Variants in L3MBTL4 observed in about 807,000 individuals in gnomAD.
The protein encoded by L3MBTL4 is L3MBTL histone methyl-lysine binding protein 4, also known as lethal(3)malignant brain tumor-like protein 4.
L3MBTL4 carries 70 observed loss-of-function variants against 84.5 expected under a neutral mutation model. The observed-to-expected ratio is 0.83, with a 90% CI of 0.68 to 1.01. L3MBTL4 has a LOEUF of 1.01. Ranked by LOEUF, L3MBTL4 falls within the 50% of genes least tolerant of loss-of-function variation. The probability of loss-of-function intolerance (pLI) is 0.00; values close to 1 mark genes in which losing one functional copy is unlikely to be tolerated. For synonymous variants in L3MBTL4, 274 were observed against 259.8 expected (o/e 1.05, Z -0.52); for missense variants, 715 against 754.8 (o/e 0.95, Z 0.62).
intron 14 of L3MBTL4, among the ~76,000 whole-genome samples, chr18:6,118,211 A>G (rs2059418142): frequency 6.6e-6 from 1 of 150,764 alleles, no homozygotes; most frequent in Non-Finnish European, 1.5e-5. Flanking sequence ...ACACACAAAC[A>G]CACACACACA....
intron 4 of L3MBTL4, among the ~76,000 whole-genome samples, chr18:6,267,879 G>A (rs1237316055): frequency 6.6e-6 from 1 of 152,196 alleles, no homozygotes. Flanking sequence ...GGAATACCAA[G>A]TTTGCTTGCA....
rs80211305 is a variant in L3MBTL4, at chr18:6,391,498, G to T, written c.-91+23303C>A. Among the ~76,000 whole-genome samples the T allele has an allele frequency of 9.8e-3, 1,484 of 152,090 alleles. 30 individuals carry two copies. Among genetic ancestry groups the T allele is most frequent in the African/African-American group, 0.034 (1,429 of 41,486 alleles). On this transcript the variant is annotated intron_variant, in intron 1 of 18. Coordinates refer to ENST00000317931, the MANE Select transcript of L3MBTL4 (RefSeq NM_001330559.2). ...CACTAGTCATAGCAATCAGACAAGAGAAAGAAATAAAGGGGATCCAGATTG... is the reference window on the plus strand; with the variant it reads ...CACTAGTCATAGCAATCAGACAAGATAAAGAAATAAAGGGGATCCAGATTG...
intron 17 of L3MBTL4, among the ~76,000 whole-genome samples, chr18:5,963,136 G>A (rs931523171): frequency 4.6e-5 from 7 of 152,212 alleles, no homozygotes; most frequent in Admixed American, 4.6e-4. Flanking sequence ...TCACTGCAGT[G>A]GGAAAGCCAA....
intron 10 of L3MBTL4, among the ~76,000 whole-genome samples, chr18:6,218,633 A>T (rs1210208698): frequency 2.0e-5 from 3 of 152,214 alleles, no homozygotes; most frequent in Non-Finnish European, 2.9e-5. Context: ...ATGGCTCTTA[A>T]GCAGCAATTG....
Position 6,173,275 on chromosome 18 carries a change from G to A in L3MBTL4, c.982-1333C>T, listed in dbSNP as rs1439415211. ...GAATATTTTCGGACATCGGACAATA[G>A]GCAGCACAGAAATGCAATCCCTAAG... On this transcript the variant is annotated intron_variant, in intron 12 of 18. Coordinates refer to ENST00000317931, the MANE Select transcript of L3MBTL4 (RefSeq NM_001330559.2). Among the ~76,000 whole-genome samples, 3 of 152,104 alleles carry A rather than the reference G, an allele frequency of 2.0e-5. No homozygotes were observed. In the East Asian group the frequency reaches 5.8e-4, roughly 29 times the overall value.
At chr18:5,959,781 T>A (rs1290816940) in intron 18 of L3MBTL4, among the ~76,000 whole-genome samples, 1 of 152,060 alleles carries the variant, frequency 6.6e-6, no homozygotes, top group African/African-American at 2.4e-5. Flanking sequence ...CAGCAAATAG[T>A]ATACGTACTG....
chr18:6,090,832 A>G (rs1279810192), intron 15 of L3MBTL4, among the ~76,000 whole-genome samples: 1 of 141,574 alleles, frequency 7.1e-6, no homozygotes, highest in Non-Finnish European at 1.5e-5. Context: ...ATGGGGTTTC[A>G]TGATGTTGCC....
chr18:6,213,674 A>T (rs2046208096), intron 11 of L3MBTL4, among the ~76,000 whole-genome samples: 1 of 152,194 alleles, frequency 6.6e-6, no homozygotes, highest in South Asian at 2.1e-4. Flanking sequence ...GGCATCCCAA[A>T]GTGCTGGGAT....
intron 11 of L3MBTL4, among the ~76,000 whole-genome samples, chr18:6,214,286 C>T (rs144475075): frequency 0.011 from 1,598 of 152,166 alleles, 17 homozygotes; most frequent in Middle Eastern, 0.02. Context: ...TTGCTAGGAA[C>T]CAAGAGTCTA....
intron 10 of L3MBTL4, among the ~76,000 whole-genome samples, chr18:6,236,816 C>T (rs1568359792): frequency 6.6e-6 from 1 of 151,970 alleles, no homozygotes; most frequent in Non-Finnish European, 1.5e-5. Flanking sequence ...GTTTTTAATT[C>T]TTGAAATTAT....
intron 5 of L3MBTL4, among the ~76,000 whole-genome samples, chr18:6,252,496 G>C (rs1285712328): frequency 6.6e-6 from 1 of 152,140 alleles, no homozygotes; most frequent in Non-Finnish European, 1.5e-5. Context: ...GATCTGGAAA[G>C]ATTTACATCA....
intron 16 of L3MBTL4, among the ~76,000 whole-genome samples, chr18:6,038,683 A>G (rs1048118176): frequency 6.6e-6 from 1 of 152,164 alleles, no homozygotes; most frequent in Non-Finnish European, 1.5e-5. Context: ...AAGAGAAATA[A>G]AAAACAACAA....
intron 16 of L3MBTL4, among the ~76,000 whole-genome samples, chr18:6,050,133 C>T (rs1272613736): frequency 1.3e-5 from 2 of 152,074 alleles, no homozygotes; most frequent in African/African-American, 4.8e-5. Context: ...AGAGGCCAAA[C>T]TTTTTTTAAA....
chr18:6,291,709 TA>T (rs1252141918), intron 4 of L3MBTL4, among the ~76,000 whole-genome samples: 1 of 152,140 alleles, frequency 6.6e-6, no homozygotes. Context: ...CAAAATGGAT[TA>T]AAGACAAAAA....
chr18:6,110,515 G>C (rs2059158740), intron 14 of L3MBTL4, among the ~76,000 whole-genome samples: 2 of 136,772 alleles, frequency 1.5e-5, no homozygotes, highest in Non-Finnish European at 3.1e-5. Flanking sequence ...CGTGTGCGGG[G>C]TGTGTGGCTG....
intron 13 of L3MBTL4, among the ~76,000 whole-genome samples, chr18:6,144,787 C>T (rs28505286): frequency 0.011 from 1,603 of 152,276 alleles, 27 homozygotes; most frequent in African/African-American, 0.036. Context: ...GAAGATGAGA[C>T]TGGTGCTGCT....
intron 4 of L3MBTL4, among the ~76,000 whole-genome samples, chr18:6,280,820 A>G (rs1198016552): frequency 6.6e-6 from 1 of 152,156 alleles, no homozygotes; most frequent in Non-Finnish European, 1.5e-5. Flanking sequence ...CGACCTTGCT[A>G]GTTTTGAAGA....
rs527451747 is a variant in L3MBTL4, at chr18:6,149,466, G to A, written c.1097-11170C>T. On this transcript the variant is annotated intron_variant, in intron 13 of 18. Coordinates refer to ENST00000317931, the MANE Select transcript of L3MBTL4 (RefSeq NM_001330559.2). ...TCTATCATTGTTGGACATTTGGGTTGGTTCCAAGTCTTTGCTATTGTGAAT... is the reference window on the plus strand; with the variant it reads ...TCTATCATTGTTGGACATTTGGGTTAGTTCCAAGTCTTTGCTATTGTGAAT... Among the ~76,000 whole-genome samples the A allele has an allele frequency of 2.0e-5, 3 of 151,754 alleles. No homozygotes were observed. The South Asian group carries it at 6.3e-4, about 32-fold the overall frequency.
chr18:6,037,933 G>GTAA (rs1718080960), intron 16 of L3MBTL4, among the ~76,000 whole-genome samples: 1 of 152,204 alleles, frequency 6.6e-6, no homozygotes, highest in Non-Finnish European at 1.5e-5. Flanking sequence ...CTCCTGATGA[G>GTAA]TAATTGGCAC....
Sources: gnomAD v4.1 joint callset for allele counts (sites outside exome capture counted in the v4.1 genomes callset) on GRCh38, gnomAD v4.1.1 for gene constraint, MANE v1.5 for transcripts, NCBI Gene and HGNC (gene_info 2026-07-23, HGNC 2026-07-21) for gene names.